SMC6: variants seen among roughly 807,000 people sequenced by gnomAD.
SMC6 encodes the protein structural maintenance of chromosomes protein 6.
In SMC6, 79 loss-of-function variants were observed where a neutral mutation model predicts 142.2. That is an observed-to-expected ratio of 0.56 (90% CI 0.46 to 0.67). The LOEUF is 0.67. Ranked by LOEUF, SMC6 falls within the 30% of genes least tolerant of loss-of-function variation. The pLI, the probability that SMC6 is intolerant of heterozygous loss-of-function variation, is 0.00. For missense variants in SMC6, 1,072 were observed against 1,284.0 expected (o/e 0.83, Z 2.52); for synonymous variants, 411 against 412.4 (o/e 1.00, Z 0.04).
intron 1 of SMC6, 55 bp downstream of exon 1, chr2:17,753,571 G>C (rs981834491): frequency 2.6e-5 from 4 of 152,366 alleles, no homozygotes; most frequent in African/African-American, 9.6e-5. Context: ...GGGGGCAGCG[G>C]GCGGAGGATG....
At chr2:17,666,383 A>G (rs1379612092) in intron 27 of SMC6, 37 bp downstream of exon 27, 5 of 1,398,244 alleles carry the variant, frequency 3.6e-6, no homozygotes, top group Non-Finnish European at 5.0e-6. Context: ...CCCCTTTTAT[A>G]TACTTGATAT....
At chr2:17,690,805 T>C (rs1204788788) in intron 23 of SMC6, among the ~76,000 whole-genome samples, 1 of 152,052 alleles carries the variant, frequency 6.6e-6, no homozygotes, top group Non-Finnish European at 1.5e-5. Context: ...GTTAATTCTT[T>C]TTCTTGGGAA....
At chr2:17,739,040 A>T (rs1670297294) in intron 4 of SMC6, among the ~76,000 whole-genome samples, 1 of 152,262 alleles carries the variant, frequency 6.6e-6, no homozygotes, top group Non-Finnish European at 1.5e-5. Context: ...ATATTAGCAC[A>T]TAATAAGTAC....
In SMC6 at chr2:17,723,324, T is replaced by C. The variant is rs576572312; in HGVS notation, c.726+1933A>G. On this transcript the variant is annotated intron_variant, in intron 9 of 27. Coordinates refer to ENST00000448223, the MANE Select transcript of SMC6 (RefSeq NM_001142286.2). Reference sequence around the variant, plus strand: ...TTCATTCTCTTGTACAGCAGAGTAATCTACCGAAAATACACAATTAATGAA... The same window carrying C: ...TTCATTCTCTTGTACAGCAGAGTAACCTACCGAAAATACACAATTAATGAA... Among the ~76,000 whole-genome samples the C allele has an allele frequency of 1.1e-4, 16 of 152,344 alleles. No homozygotes were observed. The South Asian group carries it at 3.3e-3, about 32-fold the overall frequency.
At chr2:17,667,567 G>C (rs2103458425) in intron 26 of SMC6, among the ~76,000 whole-genome samples, 1 of 152,276 alleles carries the variant, frequency 6.6e-6, no homozygotes, top group East Asian at 1.9e-4. Context: ...ACTATATGTG[G>C]TGCCGGGCGC....
At chr2:17,681,662 C>A (rs1667244507) in intron 24 of SMC6, 1 of 152,184 alleles carries the variant, frequency 6.6e-6, no homozygotes, top group South Asian at 2.1e-4. Context: ...GAAGAACACA[C>A]ACAACATTTG....
At position 17,753,057 on chromosome 2, in the gene SMC6, G is replaced by C; in HGVS notation, c.-85C>G. On this transcript the variant is annotated 5_prime_UTR_variant, in exon 2 of 28. Coordinates refer to ENST00000448223, the MANE Select transcript of SMC6 (RefSeq NM_001142286.2). Reference sequence around the variant, plus strand: ...AATTCCCAATTGGGATTCTTCTCCGGTTCATTTCTGTAAGAAATGAGGGCA... The same window carrying C: ...AATTCCCAATTGGGATTCTTCTCCGCTTCATTTCTGTAAGAAATGAGGGCA... 2.0e-6 allele frequency: 2 copies of C among 982,292 alleles called. No individual in the cohort carries two copies. The allele number at this position is 982,292 out of a possible 1,614,324, so 60.8% of individuals were successfully genotyped here.
chr2:17,719,674 T>C (rs1288303433), intron 11 of SMC6, among the ~76,000 whole-genome samples: 1 of 152,190 alleles, frequency 6.6e-6, no homozygotes, highest in Admixed American at 6.6e-5. Flanking sequence ...AAATACTTGG[T>C]GAAAATTTCA....
intron 21 of SMC6, among the ~76,000 whole-genome samples, chr2:17,698,880 T>C (rs1668135982): frequency 1.3e-5 from 2 of 152,118 alleles, no homozygotes. Context: ...TATTACATTA[T>C]ATACACCAAA....
intron 25 of SMC6, 103 bp from the exon 26 acceptor site, chr2:17,670,678 G>C (rs976237172): frequency 2.6e-6 from 3 of 1,168,218 alleles, no homozygotes; most frequent in Admixed American, 3.1e-5. Context: ...GTAAAAAGGA[G>C]ATGGGAATAA....
chr2:17,741,741 A>T lies in SMC6; in HGVS notation c.121-12T>A. 1.3e-6 allele frequency: 2 copies of T among 1,545,082 alleles called. No individual in the cohort carries two copies. The highest frequency in any genetic ancestry group is 1.2e-5 in the South Asian group (1 of 86,084). ...ACTTCTGCTGCAGTCTATTAATAAAAAACAATGGGAGAAAATGGTCAATCT... is the reference window on the plus strand; with the variant it reads ...ACTTCTGCTGCAGTCTATTAATAAATAACAATGGGAGAAAATGGTCAATCT... On this transcript the variant is annotated splice_polypyrimidine_tract_variant and intron_variant, in intron 3 of 27. Transcript: ENST00000448223.
At chr2:17,720,861 T>C in intron 11 of SMC6, 79 bp downstream of exon 11, 2 of 1,183,224 alleles carry the variant, frequency 1.7e-6, no homozygotes, top group Non-Finnish European at 2.5e-6. Flanking sequence ...ACTGATGGTT[T>C]GGTGGGTCAT....
chr2:17,746,007 T>G (rs2125085728), intron 2 of SMC6, 56 bp from the exon 3 acceptor site: 12 of 1,440,856 alleles, frequency 8.3e-6, no homozygotes, highest in South Asian at 1.5e-5. Context: ...TATATTAAAC[T>G]CAACAAAATA....
In SMC6 at chr2:17,753,761, CAGG is replaced by C. The variant is rs1671231886; in HGVS notation, c.-231_-229del. The C allele has an allele frequency of 6.6e-6, 1 of 152,286 alleles. No individual in the cohort carries two copies. The highest frequency in any genetic ancestry group is 2.1e-4 in the South Asian group (1 of 4,838). 9.4% of individuals were successfully genotyped at this position (152,286 alleles called of 1,614,324 possible). A position where few individuals can be genotyped will look rare whatever the true frequency, so the allele number is the denominator to read the frequency against. On this transcript the variant is annotated 5_prime_UTR_variant, in exon 1 of 28. Coordinates refer to ENST00000448223, the MANE Select transcript of SMC6 (RefSeq NM_001142286.2). ...CCCCCTGGGAACCGCGTGCCGGCCGCAGGAGAAGGTAGATTCCCGGGAGCCCCG... is the reference window on the plus strand; with the variant it reads ...CCCCCTGGGAACCGCGTGCCGGCCGCAGAAGGTAGATTCCCGGGAGCCCCG...
chr2:17,700,048 G>A (rs1668195282), intron 21 of SMC6, among the ~76,000 whole-genome samples, 160 bp downstream of exon 21: 1 of 151,574 alleles, frequency 6.6e-6, no homozygotes, highest in Non-Finnish European at 1.5e-5. Context: ...AATACTAATT[G>A]ATCTAATGAT....
intron 10 of SMC6, 46 bp from the exon 11 acceptor site, chr2:17,721,084 A>T (rs1282326979): frequency 6.2e-7 from 1 of 1,612,596 alleles, no homozygotes; most frequent in East Asian, 2.2e-5. Context: ...AACAATAATA[A>T]CCAAATACAT....
intron 4 of SMC6, 44 bp downstream of exon 4, chr2:17,741,568 C>CA: frequency 7.9e-7 from 1 of 1,272,944 alleles, no homozygotes; most frequent in Non-Finnish European, 1.1e-6. Context: ...ACTCTAATCT[C>CA]AAAGTACTGC....
At chr2:17,751,655 G>T (rs1671046798) in intron 2 of SMC6, among the ~76,000 whole-genome samples, 1 of 152,170 alleles carries the variant, frequency 6.6e-6, no homozygotes. Flanking sequence ...AGCATGCTCA[G>T]AGAGAAAAGA....
At chr2:17,749,636 C>T (rs1047009631) in intron 2 of SMC6, among the ~76,000 whole-genome samples, 4 of 151,892 alleles carry the variant, frequency 2.6e-5, no homozygotes, top group African/African-American at 2.4e-5. Flanking sequence ...TGCAGTGAGC[C>T]GAGACTGTGC....
Sources: gnomAD v4.1 joint callset for allele counts (sites outside exome capture counted in the v4.1 genomes callset) on GRCh38, gnomAD v4.1.1 for gene constraint, MANE v1.5 for transcripts, NCBI Gene and HGNC (gene_info 2026-07-23, HGNC 2026-07-21) for gene names.